Variants in PRKCQ observed in about 807,000 individuals in gnomAD.
The protein encoded by PRKCQ is protein kinase C theta, also known as protein kinase C theta type.
In PRKCQ, 41 loss-of-function variants were observed where a neutral mutation model predicts 91.2. The ratio of observed to expected loss-of-function variants is 0.45; its 90% CI spans 0.35 to 0.58. PRKCQ has a LOEUF of 0.58. Ranked by LOEUF, PRKCQ falls within the 20% of genes least tolerant of loss-of-function variation. PRKCQ has a pLI of 0.00. For missense variants in PRKCQ, 673 were observed against 896.5 expected (o/e 0.75, Z 3.18); for synonymous variants, 307 against 316.9 (o/e 0.97, Z 0.33).
At chr10:6,399,483 T>C in the PRKCQ span, among the ~76,000 whole-genome samples, 3 of 151,330 alleles carry the variant, frequency 2.0e-5, no homozygotes, top group African/African-American at 7.3e-5. Flanking sequence ...ATTGCCCCCT[T>C]TTTTTTTTCC....
chr10:6,404,189 C>T, the PRKCQ span, among the ~76,000 whole-genome samples: 1 of 129,816 alleles, frequency 7.7e-6, no homozygotes, highest in Non-Finnish European at 1.6e-5. Context: ...CCTTTAATGG[C>T]ATTAAAGAGA....
intron 12 of PRKCQ, among the ~76,000 whole-genome samples, chr10:6,475,060 A>G (rs1355329461): frequency 6.6e-6 from 1 of 152,216 alleles, no homozygotes; most frequent in East Asian, 1.9e-4. Context: ...ATGCTGATCT[A>G]CGTTAGACCC....
At chr10:6,453,325 A>C (rs1805046970) in intron 15 of PRKCQ, among the ~76,000 whole-genome samples, 2 of 152,250 alleles carry the variant, frequency 1.3e-5, no homozygotes, top group African/African-American at 4.8e-5. Context: ...AAAAATGCTC[A>C]TCATCACTGG....
At chr10:6,484,770 T>A (rs1430127044) in intron 10 of PRKCQ, among the ~76,000 whole-genome samples, 1 of 152,234 alleles carries the variant, frequency 6.6e-6, no homozygotes, top group Non-Finnish European at 1.5e-5. Context: ...CTTTGAGTCC[T>A]TCTCTTTCCT....
At chr10:6,502,414 G>C (rs1480897804) in intron 4 of PRKCQ, among the ~76,000 whole-genome samples, 3 of 152,254 alleles carry the variant, frequency 2.0e-5, no homozygotes, top group African/African-American at 7.2e-5. Flanking sequence ...AAGCTACAGA[G>C]CTAAGGTTCC....
At chr10:6,431,453 CACATGG>C (rs1426848093) in intron 16 of PRKCQ, among the ~76,000 whole-genome samples, 1 of 152,198 alleles carries the variant, frequency 6.6e-6, no homozygotes. Flanking sequence ...CATACACATG[CACATGG>C]ACATGAACAC....
At chr10:6,515,349 G>T in intron 1 of PRKCQ, 4 of 1,475,560 alleles carry the variant, frequency 2.7e-6, no homozygotes, top group Non-Finnish European at 3.6e-6. Flanking sequence ...TTGCTGAGGG[G>T]AGAGGCTTTC....
the PRKCQ span, among the ~76,000 whole-genome samples, chr10:6,404,192 TAAAGAG>T: frequency 1.3e-3 from 162 of 124,828 alleles, 2 homozygotes; most frequent in African/African-American, 4.7e-3. Context: ...TTAATGGCAT[TAAAGAG>T]AAAGAGAAAA....
intron 16 of PRKCQ, among the ~76,000 whole-genome samples, chr10:6,439,672 A>G (rs376626590): frequency 7.6e-6 from 1 of 131,670 alleles, no homozygotes; most frequent in East Asian, 2.0e-4. Context: ...ACATTTTCCT[A>G]TAATTTTCTT....
At chr10:6,514,821 T>C (rs1017686662) in intron 2 of PRKCQ, among the ~76,000 whole-genome samples, 197 bp downstream of exon 2, 1 of 152,140 alleles carries the variant, frequency 6.6e-6, no homozygotes, top group Non-Finnish European at 1.5e-5. Context: ...CGGTGGGCCA[T>C]CGGGTCCTGG....
At chr10:6,446,686 A>G (rs1194199528) in intron 15 of PRKCQ, among the ~76,000 whole-genome samples, 1 of 151,874 alleles carries the variant, frequency 6.6e-6, no homozygotes, top group Non-Finnish European at 1.5e-5. Flanking sequence ...TTTTAAAGAG[A>G]CTGTGGTGGA....
intron 4 of PRKCQ, among the ~76,000 whole-genome samples, chr10:6,501,739 G>T (rs192927623): frequency 6.6e-6 from 1 of 151,994 alleles, no homozygotes; most frequent in African/African-American, 2.4e-5. Context: ...CAGGAGAATC[G>T]CTTGAACTCG....
Position 6,478,991 on chromosome 10 carries a change from C to T in PRKCQ, c.1353+1G>A. ...TAGGGTTGTCGGAGCAGAAGCCATA[C>T]CTTGGTCTGGAATGTACAAAACATG... On this transcript the variant is annotated splice_donor_variant, in intron 12 of 17. Transcript: ENST00000263125. LOFTEE classifies it high-confidence loss of function. 1 of 1,613,880 alleles carries T rather than the reference C, an allele frequency of 6.2e-7. No individual in the cohort carries two copies. Among genetic ancestry groups the T allele is most frequent in the Non-Finnish European group, 8.5e-7 (1 of 1,179,862 alleles).
intron 9 of PRKCQ, 127 bp downstream of exon 9, chr10:6,485,908 C>T: frequency 2.7e-6 from 2 of 746,168 alleles, no homozygotes; most frequent in Non-Finnish European, 4.5e-6. Flanking sequence ...AAGCCAAGGG[C>T]AAGGCCGGTG....
intron 13 of PRKCQ, among the ~76,000 whole-genome samples, chr10:6,462,740 C>T (rs559312628): frequency 4.6e-5 from 7 of 152,254 alleles, no homozygotes; most frequent in African/African-American, 1.4e-4. Context: ...TACGGTGGCT[C>T]ACGCCTGTAA....
the PRKCQ span, among the ~76,000 whole-genome samples, chr10:6,397,847 C>T: frequency 1.3e-5 from 2 of 152,120 alleles, no homozygotes; most frequent in South Asian, 4.1e-4. Context: ...ATCGCTTGAA[C>T]CTGGGAGATG....
chr10:6,455,419 A>G (rs1834952400), intron 15 of PRKCQ, among the ~76,000 whole-genome samples: 1 of 152,226 alleles, frequency 6.6e-6, no homozygotes, highest in Non-Finnish European at 1.5e-5. Context: ...GCTAAATTCA[A>G]ATTACATATC....
chr10:6,462,706 T>C (rs186468698), intron 13 of PRKCQ, among the ~76,000 whole-genome samples: 1 of 152,224 alleles, frequency 6.6e-6, no homozygotes, highest in African/African-American at 2.4e-5. Flanking sequence ...TACACAGACA[T>C]TAAAAGTAAT....
chr10:6,548,854 C>T (rs778646603), intron 1 of PRKCQ, among the ~76,000 whole-genome samples: 30 of 151,842 alleles, frequency 2.0e-4, no homozygotes, highest in Non-Finnish European at 3.8e-4. Flanking sequence ...GCACATGGTG[C>T]ACATGTACCC....
Sources: allele counts gnomAD v4.1 joint callset (sites outside exome capture counted in the v4.1 genomes callset), GRCh38; gene constraint gnomAD v4.1.1; transcripts MANE v1.5; gene names NCBI Gene and HGNC (gene_info 2026-07-23, HGNC 2026-07-21).